The following SOX5 variants were observed in gnomAD, a reference collection of about 807,000 sequenced individuals.
The protein encoded by SOX5 is SRY-box transcription factor 5.
Under a neutral mutation model 92.0 loss-of-function variants are expected in SOX5, and 9 were observed. The ratio of observed to expected loss-of-function variants is 0.10; its 90% CI spans 0.06 to 0.17. The LOEUF is 0.17. Ranked by LOEUF, SOX5 falls within the 10% of genes least tolerant of loss-of-function variation. The pLI, the probability that SOX5 is intolerant of heterozygous loss-of-function variation, is 1.00. For synonymous variants in SOX5, 344 were observed against 336.3 expected, an observed-to-expected ratio of 1.02 and a Z score of -0.25; for missense variants, 642 against 944.5, an observed-to-expected ratio of 0.68 and a Z score of 4.20.
intron 1 of SOX5, among the ~76,000 whole-genome samples, chr12:23,904,486 A>C (rs763279014): frequency 6.6e-6 from 1 of 152,208 alleles, no homozygotes; most frequent in Non-Finnish European, 1.5e-5. Flanking sequence ...TGTAATCTTC[A>C]CTATGTATTT....
At chr12:24,309,092 G>A (rs987573442) in intron 2 of SOX5, among the ~76,000 whole-genome samples, 1 of 152,170 alleles carries the variant, frequency 6.6e-6, no homozygotes, top group Non-Finnish European at 1.5e-5. Context: ...AAACTGCAGA[G>A]AGCAGTAGAA....
intron 3 of SOX5, among the ~76,000 whole-genome samples, chr12:24,259,135 A>G (rs554839851): frequency 6.6e-6 from 1 of 152,346 alleles, no homozygotes; most frequent in East Asian, 1.9e-4. Context: ...GTATGATAAA[A>G]TGTGCTGAAC....
intron 3 of SOX5, among the ~76,000 whole-genome samples, chr12:23,806,598 A>AG (rs1491563867): frequency 3.5e-5 from 5 of 144,752 alleles, no homozygotes; most frequent in African/African-American, 1.3e-4. Flanking sequence ...AAAAAAAAAA[A>AG]GAAAAAAAAA....
At chr12:24,300,304 T>A (rs376597583) in intron 2 of SOX5, among the ~76,000 whole-genome samples, 4 of 152,318 alleles carry the variant, frequency 2.6e-5, no homozygotes, top group East Asian at 3.9e-4. Flanking sequence ...GGAATTCAGC[T>A]ATATCTGCAT....
intron 7 of SOX5, among the ~76,000 whole-genome samples, chr12:23,658,202 C>T (rs964143064): frequency 6.6e-6 from 1 of 152,100 alleles, no homozygotes; most frequent in Non-Finnish European, 1.5e-5. Flanking sequence ...GTGATTGCCA[C>T]AACAAAGACA....
intron 6 of SOX5, among the ~76,000 whole-genome samples, chr12:23,705,631 G>A (rs2091289581): frequency 6.6e-6 from 1 of 151,922 alleles, no homozygotes; most frequent in Non-Finnish European, 1.5e-5. Context: ...TTTCCTACCA[G>A]GCATCTTTAT....
At chr12:24,107,465 G>T (rs1377003300) in intron 4 of SOX5, among the ~76,000 whole-genome samples, 1 of 152,088 alleles carries the variant, frequency 6.6e-6, no homozygotes, top group African/African-American at 2.4e-5. Context: ...TCTTTATAGG[G>T]TATACAGAAT....
chr12:24,006,572 G>C (rs1279420188), intron 4 of SOX5, among the ~76,000 whole-genome samples: 1 of 151,938 alleles, frequency 6.6e-6, no homozygotes, highest in South Asian at 2.1e-4. Flanking sequence ...TTCTGTGCCT[G>C]GACCTGTGCC....
chr12:24,286,670 C>T (rs1272094181), intron 2 of SOX5, among the ~76,000 whole-genome samples: 7 of 152,044 alleles, frequency 4.6e-5, no homozygotes, highest in Non-Finnish European at 7.4e-5. Flanking sequence ...CCCAAAGTGC[C>T]GGGATTACAG....
At chr12:24,152,261 C>G (rs1951732083) in intron 4 of SOX5, among the ~76,000 whole-genome samples, 1 of 152,172 alleles carries the variant, frequency 6.6e-6, no homozygotes, top group Admixed American at 6.6e-5. Flanking sequence ...AAGCATATTA[C>G]AGCATTTCAC....
chr12:23,624,572 AG>A (rs2077547618), intron 8 of SOX5, among the ~76,000 whole-genome samples: 1 of 152,184 alleles, frequency 6.6e-6, no homozygotes, highest in Non-Finnish European at 1.5e-5. Flanking sequence ...AAATGGAGGG[AG>A]CGAAAGAACA....
At chr12:24,079,907 C>G (rs540227697) in intron 4 of SOX5, among the ~76,000 whole-genome samples, 1 of 151,836 alleles carries the variant, frequency 6.6e-6, no homozygotes, top group Non-Finnish European at 1.5e-5. Context: ...CCTCATAATT[C>G]TACCTATGAG....
intron 7 of SOX5, among the ~76,000 whole-genome samples, chr12:23,663,433 T>A (rs757507138): frequency 9.9e-5 from 15 of 152,042 alleles, no homozygotes; most frequent in Non-Finnish European, 1.6e-4. Context: ...GAGGTGGAGG[T>A]GTTCTTGACC....
At chr12:23,680,988 C>T (rs769860562) in intron 6 of SOX5, among the ~76,000 whole-genome samples, 1 of 151,866 alleles carries the variant, frequency 6.6e-6, no homozygotes, top group Non-Finnish European at 1.5e-5. Flanking sequence ...AAAAGGGAAC[C>T]TAGAAGAAAT....
At position 23,662,170 on chromosome 12, in the gene SOX5, T is replaced by TAG. The variant is rs1034943537; in HGVS notation, c.931+3272_931+3273dup. On this transcript the variant is annotated intron_variant, in intron 7 of 14. Coordinates refer to ENST00000451604, the MANE Select transcript of SOX5 (RefSeq NM_006940.6). ...ACACACACATATACATATATATATA[T>TAG]AGAGAGAGAGAGAGAAAGGATTTGA... Among the ~76,000 whole-genome samples, 60 of 150,672 alleles carry TAG rather than the reference T, an allele frequency of 4.0e-4. No individual in the cohort carries two copies. In the South Asian group the frequency reaches 7.1e-3, roughly 18 times the overall value.
intron 3 of SOX5, among the ~76,000 whole-genome samples, chr12:23,836,950 T>C (rs1467911765): frequency 5.9e-5 from 9 of 151,814 alleles, no homozygotes; most frequent in Non-Finnish European, 1.0e-4. Flanking sequence ...TTTTAGAGTA[T>C]AAGTTTTTTA....
intron 1 of SOX5, among the ~76,000 whole-genome samples, chr12:24,413,357 T>G (rs1860943240): frequency 6.6e-6 from 1 of 152,204 alleles, no homozygotes; most frequent in African/African-American, 2.4e-5. Context: ...TATCTGATAT[T>G]AACATAGCAA....
At chr12:24,138,559 G>T (rs950328770) in intron 4 of SOX5, among the ~76,000 whole-genome samples, 1 of 152,218 alleles carries the variant, frequency 6.6e-6, no homozygotes, top group Non-Finnish European at 1.5e-5. Flanking sequence ...AGGACAGTGG[G>T]CATGTATTAC....
At chr12:24,037,721 G>A (rs1214253447) in intron 4 of SOX5, among the ~76,000 whole-genome samples, 1 of 152,124 alleles carries the variant, frequency 6.6e-6, no homozygotes, top group African/African-American at 2.4e-5. Flanking sequence ...TACATGTCAT[G>A]AATGTGCACT....
Sources: gnomAD v4.1 joint callset for allele counts (sites outside exome capture counted in the v4.1 genomes callset) on GRCh38, gnomAD v4.1.1 for gene constraint, MANE v1.5 for transcripts, NCBI Gene and HGNC (gene_info 2026-07-23, HGNC 2026-07-21) for gene names.